The following GALNT17 variants were observed in gnomAD, a reference collection of about 807,000 sequenced individuals.
The protein encoded by GALNT17 is UDP-GalNAc:polypeptide N-acetylgalactosaminyltransferase-like 3.
A neutral mutation model predicts 63.7 loss-of-function variants in GALNT17; 29 were observed. That is an observed-to-expected ratio of 0.46 (90% CI 0.34 to 0.62). The LOEUF is 0.62. GALNT17 is among the 20% of genes least tolerant of loss of function. The pLI, the probability that GALNT17 is intolerant of heterozygous loss-of-function variation, is 0.01. For synonymous variants in GALNT17, 305 were observed against 318.3 expected (o/e 0.96, Z 0.45); for missense variants, 603 against 799.6 (o/e 0.75, Z 2.97).
chr7:71,442,352 A>G (rs1787083569), intron 5 of GALNT17, among the ~76,000 whole-genome samples: 1 of 151,934 alleles, frequency 6.6e-6, no homozygotes, highest in Non-Finnish European at 1.5e-5. Flanking sequence ...GCCCGCCACC[A>G]TGCCCGGCTA....
At chr7:71,591,212 A>G (rs1248975318) in intron 6 of GALNT17, among the ~76,000 whole-genome samples, 2 of 150,996 alleles carry the variant, frequency 1.3e-5, no homozygotes, top group Non-Finnish European at 2.9e-5. Context: ...ATGTGCTATC[A>G]TGCCGACTAA....
chr7:71,335,534 C>G lies in GALNT17; in HGVS notation c.239-16C>G. ...GGTGGTTTTCTAATAATTCTTTTTT[C>G]TCCCACTTTTTCTAGGCTTATCCAA... On this transcript the variant is annotated splice_polypyrimidine_tract_variant and intron_variant, in intron 1 of 10. Coordinates refer to ENST00000333538, the MANE Select transcript of GALNT17 (RefSeq NM_022479.3). The G allele has an allele frequency of 6.5e-7, 1 of 1,543,078 alleles. No homozygotes were observed. Among genetic ancestry groups the G allele is most frequent in the Non-Finnish European group, 8.7e-7 (1 of 1,146,428 alleles).
intron 2 of GALNT17, among the ~76,000 whole-genome samples, chr7:71,358,397 A>T (rs932258821): frequency 7.2e-5 from 11 of 152,192 alleles, no homozygotes; most frequent in Non-Finnish European, 1.2e-4. Flanking sequence ...TCTGTCTCAA[A>T]AAATAAATAA....
chr7:71,527,066 C>G (rs1788636539), intron 5 of GALNT17, among the ~76,000 whole-genome samples: 1 of 152,176 alleles, frequency 6.6e-6, no homozygotes, highest in Non-Finnish European at 1.5e-5. Context: ...GAATCTTGTC[C>G]TCTCTTTTTG....
chr7:71,303,830 A>C (rs1218957692), intron 1 of GALNT17, among the ~76,000 whole-genome samples: 2 of 152,082 alleles, frequency 1.3e-5, no homozygotes, highest in African/African-American at 4.8e-5. Flanking sequence ...CTCTTTCTGG[A>C]AGTCTGACAG....
chr7:71,356,338 C>G (rs142880030), intron 2 of GALNT17, among the ~76,000 whole-genome samples: 22 of 152,224 alleles, frequency 1.4e-4, no homozygotes, highest in Non-Finnish European at 2.9e-4. Context: ...GTCACAAGTA[C>G]GGTGCCTTTG....
At chr7:71,394,333 C>T (rs2960873) in intron 3 of GALNT17, among the ~76,000 whole-genome samples, 1,686 of 152,234 alleles carry the variant, frequency 0.011, 31 homozygotes, top group African/African-American at 0.039. Flanking sequence ...CTTTCGCGTC[C>T]ATGACCCAAA....
chr7:71,525,565 T>C (rs1788610269), intron 5 of GALNT17, among the ~76,000 whole-genome samples: 1 of 151,950 alleles, frequency 6.6e-6, no homozygotes, highest in Non-Finnish European at 1.5e-5. Flanking sequence ...GAGGGGCTTC[T>C]CCTTTCGTTT....
At chr7:71,236,006 C>T (rs1789881107) in intron 1 of GALNT17, among the ~76,000 whole-genome samples, 1 of 152,074 alleles carries the variant, frequency 6.6e-6, no homozygotes. Context: ...ATGGTAGAAA[C>T]CCTGTCTCTG....
chr7:71,226,238 A>G (rs766778993), intron 1 of GALNT17, among the ~76,000 whole-genome samples: 1 of 152,162 alleles, frequency 6.6e-6, no homozygotes, highest in African/African-American at 2.4e-5. Flanking sequence ...TTTAATATCT[A>G]ATCATTTTGT....
rs567450662 is a variant in GALNT17 at position 71,655,188 on chromosome 7, G to T, written c.1081-10223G>T. Among the ~76,000 whole-genome samples, 276 of 152,236 alleles carry T rather than the reference G, an allele frequency of 1.8e-3. 5 individuals are homozygous for T. The highest frequency in any genetic ancestry group is 6.6e-4 in the Non-Finnish European group (45 of 68,012). ...GAGGAGTGCTTGAGCCCAGGAGTTT[G>T]AGGTTACCATGAGCTACAGTCATGC... On this transcript the variant is annotated intron_variant, in intron 6 of 10. Coordinates refer to ENST00000333538, the MANE Select transcript of GALNT17 (RefSeq NM_022479.3).
chr7:71,544,124 C>CTTTTTTTTTTTTTTTTT (rs60144462), intron 5 of GALNT17, among the ~76,000 whole-genome samples: 1 of 132,424 alleles, frequency 7.6e-6, no homozygotes, highest in African/African-American at 2.9e-5. Context: ...TTTCTTTTTT[C>CTTTTTTTTTTTTTTTTT]TTTTTTTTTT....
At chr7:71,206,361 C>T (rs760109422) in intron 1 of GALNT17, among the ~76,000 whole-genome samples, 3 of 151,770 alleles carry the variant, frequency 2.0e-5, no homozygotes, top group Admixed American at 6.6e-5. Context: ...ATGTGAGCCA[C>T]GAGAACAGAA....
At chr7:71,597,795 G>A (rs570071178) in intron 6 of GALNT17, among the ~76,000 whole-genome samples, 5 of 152,198 alleles carry the variant, frequency 3.3e-5, no homozygotes, top group South Asian at 2.1e-4. Context: ...CCGGTGCTTC[G>A]TGATTACCTT....
At chr7:71,275,222 G>A (rs1243264455) in intron 1 of GALNT17, among the ~76,000 whole-genome samples, 1 of 152,182 alleles carries the variant, frequency 6.6e-6, no homozygotes, top group Non-Finnish European at 1.5e-5. Context: ...GTCAGAAGTT[G>A]CAGGGGGGTC....
chr7:71,138,158 G>A (rs1787821975), intron 1 of GALNT17, among the ~76,000 whole-genome samples: 1 of 152,102 alleles, frequency 6.6e-6, no homozygotes, highest in Non-Finnish European at 1.5e-5. Context: ...ACCAACCTGG[G>A]CAACACAGCA....
At chr7:71,279,202 T>C (rs960844451) in intron 1 of GALNT17, among the ~76,000 whole-genome samples, 1 of 152,032 alleles carries the variant, frequency 6.6e-6, no homozygotes, top group Non-Finnish European at 1.5e-5. Context: ...TGTATCTCTG[T>C]ATATTCCCCT....
chr7:71,180,821 G>C (rs1321846647), intron 1 of GALNT17, among the ~76,000 whole-genome samples: 2 of 152,226 alleles, frequency 1.3e-5, no homozygotes, highest in African/African-American at 2.4e-5. Flanking sequence ...GCATGAGAAG[G>C]GAAGGGCTTG....
chr7:71,288,325 G>C (rs901626733), intron 1 of GALNT17, among the ~76,000 whole-genome samples: 1 of 151,936 alleles, frequency 6.6e-6, no homozygotes, highest in Non-Finnish European at 1.5e-5. Context: ...TTCATGTTGA[G>C]TAGGCTGAGC....
Sources: gnomAD v4.1 joint callset for allele counts (sites outside exome capture counted in the v4.1 genomes callset) on GRCh38, gnomAD v4.1.1 for gene constraint, MANE v1.5 for transcripts, NCBI Gene and HGNC (gene_info 2026-07-23, HGNC 2026-07-21) for gene names.